ELN: variants seen among roughly 807,000 people sequenced by gnomAD.
ELN encodes elastin.
A neutral mutation model predicts 105.8 loss-of-function variants in ELN; 65 were observed. The ratio of observed to expected loss-of-function variants is 0.61; its 90% CI spans 0.50 to 0.75. The LOEUF is 0.75. Ranked by LOEUF, ELN falls within the 30% of genes least tolerant of loss-of-function variation. The probability of loss-of-function intolerance (pLI) is 0.00; values close to 1 mark genes in which losing one functional copy is unlikely to be tolerated. For missense variants in ELN, 882 were observed against 969.4 expected (o/e 0.91, Z 1.20); for synonymous variants, 368 against 389.2 (o/e 0.95, Z 0.64).
At chr7:74,028,863 T>C (rs1788029661) in intron 1 of ELN, among the ~76,000 whole-genome samples, 1 of 147,824 alleles carries the variant, frequency 6.8e-6, no homozygotes, top group Non-Finnish European at 1.5e-5. Flanking sequence ...GGTATGCATT[T>C]GTGTGTGTGT....
At chr7:74,043,220 G>A in intron 8 of ELN, 52 bp downstream of exon 8, 2 of 1,555,874 alleles carry the variant, frequency 1.3e-6, no homozygotes, top group South Asian at 2.4e-5. Flanking sequence ...AGGGGCAGAG[G>A]GCAGGGAGGA....
intron 15 of ELN, among the ~76,000 whole-genome samples, chr7:74,049,208 C>T (rs1554674435): frequency 1.3e-5 from 2 of 151,072 alleles, no homozygotes; most frequent in African/African-American, 4.9e-5. Context: ...TCCATCACTA[C>T]CTCCCTCCAT....
In ELN at chr7:74,045,930, G is replaced by A. The variant is rs55930432; in HGVS notation, c.542-258G>A. ...TGCACCTGTAATCCCAGCTACTTGGGAGGCTGAGGCGGGAGAATCGCCAGA... is the reference window on the plus strand; with the variant it reads ...TGCACCTGTAATCCCAGCTACTTGGAAGGCTGAGGCGGGAGAATCGCCAGA... On this transcript the variant is annotated intron_variant, in intron 10 of 32. Coordinates refer to ENST00000252034, the MANE Select transcript of ELN (RefSeq NM_000501.4). 3.6e-4 allele frequency: 186 copies of A among 521,072 alleles called. 1 individual carries two copies. The highest frequency in any genetic ancestry group is 3.2e-3 in the African/African-American group (167 of 52,140). 32.3% of individuals were successfully genotyped at this position (521,072 alleles called of 1,614,324 possible). A position where few individuals can be genotyped will look rare whatever the true frequency, so the allele number is the denominator to read the frequency against.
In ELN at chr7:74,063,274, A is replaced by G; in HGVS notation, c.1859-36A>G. On this transcript the variant is annotated intron_variant, in intron 27 of 32. Transcript: ENST00000252034. This position sits in a 1 kb window ranked among gnomAD's most constrained non-coding sequence, Gnocchi z 4.1. ...AGGGTGGGGAGGGAATCTAACCAGTACAGAGTGCCTCCCTGAACTCGGTCT... is the reference window on the plus strand; with the variant it reads ...AGGGTGGGGAGGGAATCTAACCAGTGCAGAGTGCCTCCCTGAACTCGGTCT... 2 of 1,580,160 alleles carry G rather than the reference A, an allele frequency of 1.3e-6. No homozygotes were observed. The highest frequency in any genetic ancestry group is 1.7e-6 in the Non-Finnish European group (2 of 1,163,626).
rs555583959 is a variant in ELN, at chr7:74,059,143, T to C, written c.1415-743T>C. On this transcript the variant is annotated intron_variant, in intron 22 of 32. Coordinates refer to ENST00000252034, the MANE Select transcript of ELN (RefSeq NM_000501.4). ...ACATTGGCCTCTCAAAGTGCTGGGA[T>C]GACAGGCATGAGCCAACGTGTCTGG... is the stretch of plus-strand genomic sequence containing the variant. Among the ~76,000 whole-genome samples, 6 of 152,214 alleles carry C rather than the reference T, an allele frequency of 3.9e-5. No individual in the cohort carries two copies. The South Asian group carries it at 1.0e-3, about 26-fold the overall frequency.
At chr7:74,051,629 C>G (rs1794054397) in intron 15 of ELN, 121 bp from the exon 16 acceptor site, 1 of 1,074,728 alleles carries the variant, frequency 9.3e-7, no homozygotes, top group African/African-American at 1.6e-5. Context: ...CATCTGGAGA[C>G]ACCCGGGCCC....
At position 74,069,579 on chromosome 7, in the gene ELN, C is replaced by T. The variant is rs1259392361; in HGVS notation, c.*879C>T. 3 of 233,570 alleles carry T rather than the reference C, an allele frequency of 1.3e-5. No individual in the cohort carries two copies. Among genetic ancestry groups the T allele is most frequent in the Non-Finnish European group, 2.5e-5 (3 of 118,054 alleles). 14.5% of individuals were successfully genotyped at this position (233,570 alleles called of 1,614,324 possible). ...AGTACTGTATACCCCCCATCCCTCC[C>T]TCGGTCCACTGAACTTCAGAGCAGT... On this transcript the variant is annotated 3_prime_UTR_variant, in exon 33 of 33. Coordinates refer to ENST00000252034, the MANE Select transcript of ELN (RefSeq NM_000501.4).
rs892417880 is a variant in ELN, at chr7:74,038,078, C to T, written c.196+339C>T. 11 of 378,826 alleles carry T rather than the reference C, an allele frequency of 2.9e-5. 1 individual carries two copies. Among genetic ancestry groups the T allele is most frequent in the South Asian group, 2.2e-4 (10 of 44,928 alleles). 23.5% of individuals were successfully genotyped at this position (378,826 alleles called of 1,614,324 possible). ...TTAGAGGCAACATCAGGGATTGCTC[C>T]GGTTCCAGTGGCCTCCAAGCCTTAC... On this transcript the variant is annotated intron_variant, in intron 4 of 32. Coordinates refer to ENST00000252034, the MANE Select transcript of ELN (RefSeq NM_000501.4).
At position 74,035,346 on chromosome 7, in the gene ELN, C is replaced by T. The variant is rs373683865; in HGVS notation, c.83-18C>T. 11 of 1,613,874 alleles carry T rather than the reference C, an allele frequency of 6.8e-6. No individual in the cohort carries two copies. The highest frequency in any genetic ancestry group is 1.3e-5 in the African/African-American group (1 of 74,906). ...AGTTCTGGCTCCTGGAGGACTGACT[C>T]TACCTGTTTCCTTTCAGGGGTCCCT... On this transcript the variant is annotated intron_variant, in intron 1 of 32. Coordinates refer to ENST00000252034, the MANE Select transcript of ELN (RefSeq NM_000501.4).
At position 74,057,668 on chromosome 7, in the gene ELN, T is replaced by C. The variant is rs1554681159; in HGVS notation, c.1386T>C (p.Ala462=). 1 of 1,613,694 alleles carries C rather than the reference T, an allele frequency of 6.2e-7. No homozygotes were observed. Among genetic ancestry groups the C allele is most frequent in the African/African-American group, 1.3e-5 (1 of 75,010 alleles). The change falls in exon 22 of 33, where the codon GCT becomes GCC. Residue 462 remains alanine, a synonymous_variant. Transcript: ENST00000252034. The part of the protein sequence containing the change: ...YGVGTPAAAA[A]KAAAKAAQFG... ...TGGGGACCCCAGCAGCTGCAGCTGC[T>C]AAAGCAGCCGCCAAAGCCGCCCAGT...
Position 74,051,921 on chromosome 7 carries a change from C to T in ELN, c.890-3C>T. On this transcript the variant is annotated splice_region_variant and splice_polypyrimidine_tract_variant and intron_variant, in intron 16 of 32. Transcript: ENST00000252034. Reference sequence around the variant, plus strand: ...ACCTCACCCTCTGTGGCTGTGTTTTCAGGCGTTGGGACTCCAGCTGCAGCT... The same window carrying T: ...ACCTCACCCTCTGTGGCTGTGTTTTTAGGCGTTGGGACTCCAGCTGCAGCT... The T allele has an allele frequency of 6.2e-7, 1 of 1,614,018 alleles. No individual in the cohort carries two copies. Among genetic ancestry groups the T allele is most frequent in the Non-Finnish European group, 8.5e-7 (1 of 1,180,028 alleles).
chr7:74,036,819 T>A (rs547556464), intron 3 of ELN, among the ~76,000 whole-genome samples: 91 of 152,106 alleles, frequency 6.0e-4, no homozygotes, highest in Non-Finnish European at 1.2e-3. Context: ...TTCTTCTTTT[T>A]TTTGGTGGGG....
chr7:74,037,108 A>ACCTTGCCCGGCC (rs1391108650), intron 3 of ELN, among the ~76,000 whole-genome samples: 1 of 151,298 alleles, frequency 6.6e-6, no homozygotes. Flanking sequence ...GGCGTGAGCC[A>ACCTTGCCCGGCC]CCTTGCCCGG....
chr7:74,066,129 T>A, intron 31 of ELN, 132 bp downstream of exon 31: 1 of 1,307,828 alleles, frequency 7.6e-7, no homozygotes, highest in East Asian at 2.3e-5. Flanking sequence ...GTGAGGGCAC[T>A]TTAGGATTGC....
In ELN at chr7:74,052,999, G is replaced by A; in HGVS notation, c.950-164G>A. The stretch of plus-strand genomic sequence containing the variant: ...CTAGAGCTCTTTAGGGACCCTCTTA[G>A]TCTCTCCACATCTCTCTGATGAGTA... On this transcript the variant is annotated intron_variant, in intron 17 of 32. Transcript: ENST00000252034. 16 of 973,280 alleles carry A rather than the reference G, an allele frequency of 1.6e-5. No homozygotes were observed. The South Asian group carries it at 2.4e-4, about 14-fold the overall frequency. 60.3% of individuals were successfully genotyped at this position (973,280 alleles called of 1,614,324 possible). A position where few individuals can be genotyped will look rare whatever the true frequency, so the allele number is the denominator to read the frequency against.
intron 17 of ELN, 87 bp downstream of exon 17, chr7:74,052,070 C>A: frequency 1.3e-6 from 2 of 1,488,702 alleles, no homozygotes; most frequent in East Asian, 2.3e-5. Context: ...ATGGACTTGG[C>A]CTTTGTTCCT....
intron 10 of ELN, chr7:74,045,759 GA>G: frequency 3.3e-6 from 1 of 301,146 alleles, no homozygotes; most frequent in Non-Finnish European, 6.4e-6. Context: ...AAGAAAGAAA[GA>G]AAAGAGGGCC....
intron 10 of ELN, 29 bp from the exon 11 acceptor site, chr7:74,046,159 G>A (rs781818879): frequency 6.2e-7 from 1 of 1,614,216 alleles, no homozygotes; most frequent in Admixed American, 1.7e-5. Flanking sequence ...CAGTTCCAGG[G>A]CTGTAGTGAC....
In ELN at chr7:74,056,682, G is replaced by A. The variant is rs782734629; in HGVS notation, c.1326G>A (p.Gln442=). 6.2e-7 allele frequency: 1 copy of A among 1,613,746 alleles called. No individual in the cohort carries two copies. The highest frequency in any genetic ancestry group is 1.7e-5 in the Admixed American group (1 of 60,000). ...VPGVGISPEA[Q]AAAAAKAAKY... ...CTCGTTTCCTTGTAGCCGAAGCTCA[G>A]GCAGCAGCTGCCGCCAAGGCTGCCA... The change falls in exon 21 of 33, where the codon CAG becomes CAA. Residue 442 remains glutamine, a synonymous_variant. Transcript: ENST00000252034.
Sources: gnomAD v4.1 joint callset for allele counts (sites outside exome capture counted in the v4.1 genomes callset) on GRCh38, gnomAD v4.1.1 for gene constraint, Gnocchi (gnomAD v3.1) non-coding constraint, MANE v1.5 for transcripts, NCBI Gene and HGNC (gene_info 2026-07-23, HGNC 2026-07-21) for gene names.